The following ADAMTS3 variants were observed in gnomAD, a reference collection of about 807,000 sequenced individuals.
ADAMTS3 encodes A disintegrin and metalloproteinase with thrombospondin motifs 3.
In ADAMTS3, 73 loss-of-function variants were observed where a neutral mutation model predicts 129.0. The ratio of observed to expected loss-of-function variants is 0.57; its 90% CI spans 0.47 to 0.69. ADAMTS3 has a LOEUF of 0.69. ADAMTS3 is among the 30% of genes least tolerant of loss of function. The probability of loss-of-function intolerance (pLI) is 0.00; values close to 1 mark genes in which losing one functional copy is unlikely to be tolerated. For synonymous variants in ADAMTS3, 477 were observed against 510.8 expected (o/e 0.93, Z 0.89); for missense variants, 1,457 against 1,514.5 (o/e 0.96, Z 0.63).
chr4:72,535,156 C>T (rs1008525409), intron 3 of ADAMTS3, among the ~76,000 whole-genome samples: 11 of 152,122 alleles, frequency 7.2e-5, no homozygotes, highest in Non-Finnish European at 1.3e-4. Context: ...AAATAAAGGA[C>T]TGTAAGAAGC....
intron 2 of ADAMTS3, among the ~76,000 whole-genome samples, chr4:72,565,074 A>G (rs1232421562): frequency 2.0e-5 from 3 of 152,212 alleles, no homozygotes; most frequent in Non-Finnish European, 4.4e-5. Context: ...GTGAAAAATC[A>G]GCAAAGTACA....
chr4:72,344,920 T>G (rs1346287493), intron 4 of ADAMTS3, among the ~76,000 whole-genome samples: 1 of 152,158 alleles, frequency 6.6e-6, no homozygotes, highest in Non-Finnish European at 1.5e-5. Context: ...CATGTTTAGG[T>G]CACCCATCTA....
chr4:72,301,750 C>T (rs2109785691), intron 17 of ADAMTS3, among the ~76,000 whole-genome samples: 1 of 151,596 alleles, frequency 6.6e-6, no homozygotes, highest in South Asian at 2.1e-4. Flanking sequence ...TGACAAAGGA[C>T]ACCAATCCTT....
Position 72,306,047 on chromosome 4 carries a change from T to C in ADAMTS3, c.2200A>G (p.Ile734Val). 1 of 1,607,290 alleles carries C rather than the reference T, an allele frequency of 6.2e-7. No homozygotes were observed. The highest frequency in any genetic ancestry group is 8.5e-7 in the Non-Finnish European group (1 of 1,177,184). The change falls in exon 16 of 22, where the codon ATA becomes GTA. Residue 734 changes from isoleucine to valine, a missense_variant. By Grantham distance (29) the Ile-to-Val change is conservative. Coordinates refer to ENST00000286657, the MANE Select transcript of ADAMTS3 (RefSeq NM_014243.3). ...RKLGYLKMFD[I>V]PPGARHVLIQ... ...AACACATGTCTAGCCCCAGGGGGTA[T>C]ATCAAACATCTTAAGGTACCCTTTG... is the stretch of plus-strand genomic sequence containing the variant.
chr4:72,565,211 G>T (rs1471406133), intron 2 of ADAMTS3, among the ~76,000 whole-genome samples: 1 of 152,020 alleles, frequency 6.6e-6, no homozygotes, highest in Non-Finnish European at 1.5e-5. Flanking sequence ...AAATTATTTA[G>T]AAATTATTCA....
chr4:72,442,720 G>T (rs1718151648), intron 3 of ADAMTS3, among the ~76,000 whole-genome samples: 1 of 151,846 alleles, frequency 6.6e-6, no homozygotes, highest in East Asian at 2.0e-4. Context: ...CAGAGGGATT[G>T]CTCCGAATGG....
chr4:72,309,592 G>C lies in ADAMTS3; in HGVS notation c.2056-72C>G, dbSNP rs915790353. 3.0e-5 allele frequency: 47 copies of C among 1,553,790 alleles called. No individual in the cohort carries two copies. In the African/African-American group the frequency reaches 6.2e-4, roughly 21 times the overall value. On this transcript the variant is annotated intron_variant, in intron 14 of 21. Coordinates refer to ENST00000286657, the MANE Select transcript of ADAMTS3 (RefSeq NM_014243.3). ...AGTGGTCAACATCCCAGAGAATGAT[G>C]AACCCTTTGTTCAGTCATGGCCCAC...
chr4:72,376,843 T>A (rs1025907892), intron 4 of ADAMTS3, among the ~76,000 whole-genome samples: 4 of 152,146 alleles, frequency 2.6e-5, no homozygotes, highest in African/African-American at 9.7e-5. Flanking sequence ...AAGGATGGTA[T>A]TTTTGAGTGA....
intron 4 of ADAMTS3, among the ~76,000 whole-genome samples, chr4:72,401,663 T>C (rs1352221763): frequency 1.3e-5 from 2 of 149,156 alleles, no homozygotes; most frequent in Admixed American, 1.3e-4. Context: ...CAAAGAAAGA[T>C]GGCTGATAAT....
chr4:72,347,206 T>C (rs1203432690), intron 4 of ADAMTS3, among the ~76,000 whole-genome samples: 2 of 151,872 alleles, frequency 1.3e-5, no homozygotes, highest in African/African-American at 4.8e-5. Flanking sequence ...ATTCACCCAC[T>C]AATTTCTGAA....
chr4:72,533,666 T>C (rs1721108710), intron 3 of ADAMTS3, among the ~76,000 whole-genome samples: 1 of 151,632 alleles, frequency 6.6e-6, no homozygotes, highest in Non-Finnish European at 1.5e-5. Context: ...TATATATGTA[T>C]ATGCACATAT....
intron 2 of ADAMTS3, among the ~76,000 whole-genome samples, chr4:72,566,628 G>C (rs772085051): frequency 6.6e-6 from 1 of 152,336 alleles, no homozygotes; most frequent in Non-Finnish European, 1.5e-5. Context: ...AAATGTGTAT[G>C]AAAAGACTTT....
chr4:72,441,775 T>C (rs1718122998), intron 3 of ADAMTS3: 1 of 149,690 alleles, frequency 6.7e-6, no homozygotes, highest in Admixed American at 6.6e-5. Flanking sequence ...CCAGCTTAAA[T>C]ATTCACAGCC....
At chr4:72,430,534 C>T (rs1356614485) in intron 3 of ADAMTS3, among the ~76,000 whole-genome samples, 5 of 151,918 alleles carry the variant, frequency 3.3e-5, no homozygotes, top group South Asian at 2.1e-4. Context: ...CATTCCCAGG[C>T]GAGGAACCCA....
chr4:72,426,518 G>A (rs1470476475), intron 3 of ADAMTS3, among the ~76,000 whole-genome samples: 5 of 152,052 alleles, frequency 3.3e-5, no homozygotes, highest in Non-Finnish European at 5.9e-5. Flanking sequence ...AACCAAAACA[G>A]CATGCTTTCT....
chr4:72,512,116 G>T (rs753452861), intron 3 of ADAMTS3, among the ~76,000 whole-genome samples: 1 of 152,164 alleles, frequency 6.6e-6, no homozygotes, highest in Non-Finnish European at 1.5e-5. Context: ...CAGAGGCTGG[G>T]AAGGGTAGTG....
chr4:72,322,263 T>C (rs978156052), intron 6 of ADAMTS3, among the ~76,000 whole-genome samples: 3 of 152,198 alleles, frequency 2.0e-5, no homozygotes, highest in Non-Finnish European at 4.4e-5. Flanking sequence ...TGCAAACACA[T>C]GGATTTTTCC....
intron 3 of ADAMTS3, among the ~76,000 whole-genome samples, chr4:72,469,641 C>A (rs1719011997): frequency 6.6e-6 from 1 of 152,054 alleles, no homozygotes; most frequent in Admixed American, 6.6e-5. Flanking sequence ...CAGATGTGAA[C>A]TGTGTGCATC....
intron 4 of ADAMTS3, among the ~76,000 whole-genome samples, chr4:72,396,003 C>G (rs927327400): frequency 1.3e-5 from 2 of 152,044 alleles, no homozygotes; most frequent in African/African-American, 4.8e-5. Flanking sequence ...AACAACAGAC[C>G]CTGGGCCATT....
Sources: gnomAD v4.1 joint callset for allele counts (sites outside exome capture counted in the v4.1 genomes callset) on GRCh38, gnomAD v4.1.1 for gene constraint, MANE v1.5 for transcripts, NCBI Gene and HGNC (gene_info 2026-07-23, HGNC 2026-07-21) for gene names.